The following UCN3 variants were observed in gnomAD, a reference collection of about 807,000 sequenced individuals.
UCN3 encodes urocortin 3, also known as urocortin-3.
A neutral mutation model predicts 3.6 loss-of-function variants in UCN3; 3 were observed. The ratio of observed to expected loss-of-function variants is 0.83; its 90% confidence interval spans 0.38 to 2.15. The LOEUF (loss-of-function observed/expected upper bound fraction) is 2.15. Ranked by LOEUF, UCN3 falls within the 30% of genes most tolerant of loss-of-function variation. UCN3 has a pLI of 0.06. For missense variants in UCN3, 206 were observed against 208.3 expected, an observed-to-expected ratio of 0.99 and a Z score of 0.07; for synonymous variants, 100 against 93.2, an observed-to-expected ratio of 1.07 and a Z score of -0.42.
rs199589151 is a variant in UCN3, at chr10:5,374,092, C to T, written c.372C>T (p.Leu124=). ...SPHRTKFTLS[L]DVPTNIMNLL... is the part of the protein sequence containing the mutation. ...ACCGCACCAAGTTCACCCTGTCCCT[C>T]GACGTCCCCACCAACATCATGAACC... Residue 124 remains leucine (L), a synonymous_variant, in exon 2 of 2, where the codon CTC becomes CTT. Transcript: ENST00000380433. 16 of 1,613,716 alleles carry T rather than the reference C, an allele frequency of 9.9e-6. No homozygotes were observed. Among genetic ancestry groups the T allele is most frequent in the South Asian group, 2.2e-5 (2 of 91,034 alleles).
intron 1 of UCN3, among the ~76,000 whole-genome samples, chr10:5,368,425 G>C (rs1831281460): frequency 6.6e-6 from 1 of 152,116 alleles, no homozygotes; most frequent in Non-Finnish European, 1.5e-5. Flanking sequence ...TTCAGAAGTA[G>C]AAAAAGAAAG....
At chr10:5,370,871 G>GTGTGTGTATA (rs1310554970) in intron 1 of UCN3, among the ~76,000 whole-genome samples, 7 of 135,324 alleles carry the variant, frequency 5.2e-5, no homozygotes, top group Non-Finnish European at 6.2e-5. Context: ...GCGTGTGTAT[G>GTGTGTGTATA]TGTGTGTATA....
chr10:5,373,716 G>A lies in UCN3; in HGVS notation c.-5G>A, dbSNP rs370050650. On this transcript the variant is annotated splice_region_variant and 5_prime_UTR_variant, in exon 2 of 2. Transcript: ENST00000380433. Reference sequence around the variant, plus strand: ...CCACATCCCTCTTTTCTGCTGCAGGGAGAGATGCTGATGCCGGTCCACTTC... The same window carrying A: ...CCACATCCCTCTTTTCTGCTGCAGGAAGAGATGCTGATGCCGGTCCACTTC... The A allele has an allele frequency of 6.2e-7, 1 of 1,612,964 alleles. No homozygotes were observed. Among genetic ancestry groups the A allele is most frequent in the Admixed American group, 1.7e-5 (1 of 59,978 alleles).
intron 1 of UCN3, among the ~76,000 whole-genome samples, chr10:5,368,961 A>G (rs1831293036): frequency 6.6e-6 from 1 of 152,172 alleles, no homozygotes; most frequent in Admixed American, 6.5e-5. Flanking sequence ...CAGCATCAGC[A>G]TCACGTGGGA....
Position 5,367,016 on chromosome 10 carries a change from A to T in UCN3, c.-7+1786A>T, listed in dbSNP as rs1235563501. On this transcript the variant is annotated intron_variant, in intron 1 of 1. Coordinates refer to ENST00000380433, the MANE Select transcript of UCN3 (RefSeq NM_053049.4). The surrounding 1 kb of genome is among the most constrained non-coding windows in gnomAD (Gnocchi z 4.3). ...CTTGGGATTTGAAAAATAAGAAGGT[A>T]ATGCATTTTTTAAAAGGCACAGTAT... Among the ~76,000 whole-genome samples the T allele has an allele frequency of 6.6e-6, 1 of 152,208 alleles. No individual in the cohort carries two copies. Among genetic ancestry groups the T allele is most frequent in the Non-Finnish European group, 1.5e-5 (1 of 68,034 alleles).
Position 5,373,968 on chromosome 10 carries a change from T to G in UCN3, c.248T>G (p.Ile83Ser). ...EEGKEKKTFP[I>S]SGARGGARGT... ...GGCAAAGAGAAAAAGACTTTCCCCATCTCTGGGGCCAGGGGTGGAGCCAGA... is the reference window on the plus strand; with the variant it reads ...GGCAAAGAGAAAAAGACTTTCCCCAGCTCTGGGGCCAGGGGTGGAGCCAGA... Residue 83 changes from isoleucine (I) to serine (S), a missense_variant, in exon 2 of 2, where the codon ATC (isoleucine) becomes AGC (serine). By Grantham distance (142) the Ile-to-Ser change is moderately radical. Coordinates refer to ENST00000380433, the MANE Select transcript of UCN3 (RefSeq NM_053049.4). 1 of 1,610,204 alleles carries G rather than the reference T, an allele frequency of 6.2e-7. No individual in the cohort carries two copies. Among genetic ancestry groups the G allele is most frequent in the South Asian group, 1.1e-5 (1 of 90,492 alleles).
rs185464351 is a variant in UCN3, at chr10:5,367,233, C to T, written c.-7+2003C>T. On this transcript the variant is annotated intron_variant, in intron 1 of 1. Coordinates refer to ENST00000380433, the MANE Select transcript of UCN3 (RefSeq NM_053049.4). The surrounding 1 kb of genome is among the most constrained non-coding windows in gnomAD (Gnocchi z 4.3). ...GGAAAATTGCAGAAAGTTACTTAGA[C>T]GAGGCTGTTTCATGTTCAGAAGCCC... Among the ~76,000 whole-genome samples the T allele has an allele frequency of 2.6e-5, 4 of 152,182 alleles. No homozygotes were observed. Among genetic ancestry groups the T allele is most frequent in the East Asian group, 1.9e-4 (1 of 5,176 alleles).
In UCN3 at chr10:5,373,989, C is replaced by A; in HGVS notation, c.269C>A (p.Ala90Asp). 6.2e-7 allele frequency: 1 copy of A among 1,610,232 alleles called. No homozygotes were observed. The highest frequency in any genetic ancestry group is 8.5e-7 in the Non-Finnish European group (1 of 1,178,282). ...CCCATCTCTGGGGCCAGGGGTGGAG[C>A]CAGAGGCACCCGGTACAGATACGTG... is the stretch of plus-strand genomic sequence containing the variant. Reference protein sequence around the residue: ...TFPISGARGGARGTRYRYVSQ... With the variant: ...TFPISGARGGDRGTRYRYVSQ... Residue 90 changes from alanine to aspartate, a missense_variant, in exon 2 of 2, where the codon GCC (alanine) becomes GAC (aspartate). Coordinates refer to ENST00000380433, the MANE Select transcript of UCN3 (RefSeq NM_053049.4).
chr10:5,370,653 G>GTGTGTGTA, intron 1 of UCN3, among the ~76,000 whole-genome samples: 1 of 67,494 alleles, frequency 1.5e-5, no homozygotes, highest in Non-Finnish European at 2.8e-5. Flanking sequence ...ATATGTGTGT[G>GTGTGTGTA]TATGTGTGTG....
chr10:5,370,688 T>TGC (rs1491455501), intron 1 of UCN3, among the ~76,000 whole-genome samples: 3 of 71,054 alleles, frequency 4.2e-5, no homozygotes, highest in Non-Finnish European at 8.8e-5. Context: ...TGTGTGTGTA[T>TGC]GTGTGTATAT....
intron 1 of UCN3, among the ~76,000 whole-genome samples, chr10:5,370,712 A>G (rs1258542069): frequency 4.0e-5 from 2 of 49,890 alleles, no homozygotes; most frequent in African/African-American, 2.0e-4. Flanking sequence ...TGTGTATATG[A>G]TGTGTGTGTA....
intron 1 of UCN3, among the ~76,000 whole-genome samples, chr10:5,370,109 A>G (rs797023910): frequency 0.011 from 619 of 58,182 alleles, 98 homozygotes; most frequent in Admixed American, 0.015. Flanking sequence ...ATGCGTGTGT[A>G]TATGTGTGTG....
chr10:5,369,068 A>C (rs1831295577), intron 1 of UCN3, among the ~76,000 whole-genome samples: 1 of 152,214 alleles, frequency 6.6e-6, no homozygotes, highest in African/African-American at 2.4e-5. Context: ...CCGCGCCTTC[A>C]CATGAGTCCA....
In UCN3 at chr10:5,370,790, T is replaced by C. The variant is rs544698880; in HGVS notation, c.-6-2925T>C. On this transcript the variant is annotated intron_variant, in intron 1 of 1. Transcript: ENST00000380433. ...GCGTGTGTATATGCGTGTGTGTGTGTATGCGTGTGTATATGTGTGTGTGCG... is the reference window on the plus strand; with the variant it reads ...GCGTGTGTATATGCGTGTGTGTGTGCATGCGTGTGTATATGTGTGTGTGCG... Among the ~76,000 whole-genome samples, 16 of 140,280 alleles carry C rather than the reference T, an allele frequency of 1.1e-4. No homozygotes were observed. The Middle Eastern group carries it at 0.019, about 162-fold the overall frequency. The allele number at this position is 140,280 out of a possible 152,430, so 92.0% of individuals were successfully genotyped here.
intron 1 of UCN3, among the ~76,000 whole-genome samples, chr10:5,370,068 TGTGTATATGCGTGTGTATATGC>T (rs1831334436): frequency 3.6e-5 from 4 of 111,340 alleles, no homozygotes; most frequent in Admixed American, 9.6e-5. Context: ...TGTGTATATG[TGTGTATATGCGTGTGTATATGC>T]GTGTGTATAT....
intron 1 of UCN3, among the ~76,000 whole-genome samples, chr10:5,370,845 G>GTATA (rs1831403331): frequency 1.2e-5 from 1 of 85,772 alleles, no homozygotes; most frequent in South Asian, 5.1e-4. Flanking sequence ...GTGCGCGTGT[G>GTATA]TGTGCGCGTG....
rs781880308 is a variant in UCN3 at position 5,373,927 on chromosome 10, G to C, written c.207G>C (p.Ser69=). 2.5e-6 allele frequency: 4 copies of C among 1,612,992 alleles called. No individual in the cohort carries two copies. In the East Asian group the frequency reaches 6.7e-5, roughly 27 times the overall value. Residue 69 remains serine (S), a synonymous_variant, in exon 2 of 2, where the codon TCG becomes TCC. Transcript: ENST00000380433. ...ACCTGCGCAGCAGAGACGCCTCTTCGGGAGAGGAGGAGGAGGGCAAAGAGA... is the reference window on the plus strand; with the variant it reads ...ACCTGCGCAGCAGAGACGCCTCTTCCGGAGAGGAGGAGGAGGGCAAAGAGA... The part of the protein sequence containing the change: ...FHYLRSRDAS[S]GEEEEGKEKK...
Position 5,370,472 on chromosome 10 carries a change from CGTGTGTATAT to C in UCN3, c.-6-3234_-6-3225del, listed in dbSNP as rs1177387894. On this transcript the variant is annotated intron_variant, in intron 1 of 1. Transcript: ENST00000380433. ...GTGTGTGTGTATATGTGTGTATATG[CGTGTGTATAT>C]GTGTGTATGTGTGTGTATATGCGTG... 2.3e-4 allele frequency among the ~76,000 whole-genome samples: 3 copies of C among 13,146 alleles called. 1 individual carries two copies. The highest frequency in any genetic ancestry group is 3.6e-4 in the African/African-American group (1 of 2,774). 8.6% of individuals were successfully genotyped at this position (13,146 alleles called of 152,430 possible). A position where few individuals can be genotyped will look rare whatever the true frequency, so the allele number is the denominator to read the frequency against.
At position 5,367,387 on chromosome 10, in the gene UCN3, C is replaced by T. The variant is rs1387760993; in HGVS notation, c.-7+2157C>T. On this transcript the variant is annotated intron_variant, in intron 1 of 1. Transcript: ENST00000380433. This position sits in a 1 kb window ranked among gnomAD's most constrained non-coding sequence, Gnocchi z 4.3. ...CAACATGATTTGCAGAGAGAATGTA[C>T]ATCCATGAAAGAATTTAAAAGAGGT... Among the ~76,000 whole-genome samples the T allele has an allele frequency of 1.3e-5, 2 of 152,184 alleles. No individual in the cohort carries two copies. Among genetic ancestry groups the T allele is most frequent in the Admixed American group, 6.5e-5 (1 of 15,286 alleles).
Sources: allele counts gnomAD v4.1 joint callset (sites outside exome capture counted in the v4.1 genomes callset), GRCh38; gene constraint gnomAD v4.1.1; non-coding constraint Gnocchi (gnomAD v3.1); transcripts MANE v1.5; gene names NCBI Gene and HGNC (gene_info 2026-07-23, HGNC 2026-07-21).